Variants in ANKRD30B observed in about 807,000 individuals in gnomAD.
ANKRD30B encodes ankyrin repeat domain 30B, also known as ankyrin repeat domain-containing protein 30B.
In ANKRD30B, 144 loss-of-function variants were observed where a neutral mutation model predicts 202.2. That is an observed-to-expected ratio of 0.71 (90% CI 0.62 to 0.82). ANKRD30B has a LOEUF of 0.82. Ranked by LOEUF, ANKRD30B falls within the 40% of genes least tolerant of loss-of-function variation. The pLI is 0.00. For synonymous variants in ANKRD30B, 508 were observed against 561.3 expected, an observed-to-expected ratio of 0.91 and a Z score of 1.34; for missense variants, 1,487 against 1,669.1, an observed-to-expected ratio of 0.89 and a Z score of 1.90.
At position 14,837,652 on chromosome 18, in the gene ANKRD30B, T is replaced by A; in HGVS notation, c.2964T>A (p.Asp988Glu). 1 of 1,541,482 alleles carries A rather than the reference T, an allele frequency of 6.5e-7. No individual in the cohort carries two copies. The highest frequency in any genetic ancestry group is 8.7e-7 in the Non-Finnish European group (1 of 1,144,694). The change falls in exon 36 of 44, where the codon GAT becomes GAA. Residue 988 changes from aspartate (D) to glutamate (E), a missense_variant. Around this residue, in one of 6 missense-constraint regions of ANKRD30B, gnomAD observed 218 missense variants for 320.1 expected, o/e 0.68. Transcript: ENST00000690538. ...CATCAGAATTAGGAAGAAAAGAAGA[T>A]ACAAAATCAACTTCAGATTCTGAGG... Reference protein sequence around the residue: ...MPTSELGRKEDTKSTSDSEII... With the variant: ...MPTSELGRKEETKSTSDSEII...
the ANKRD30B span, chr18:14,910,202 C>A: frequency 6.6e-6 from 1 of 151,990 alleles, no homozygotes; most frequent in Non-Finnish European, 1.5e-5. Context: ...TGAACTGTAA[C>A]CCAAAGGCTG....
At chr18:14,796,804 G>C (rs1968931567) in intron 18 of ANKRD30B, among the ~76,000 whole-genome samples, 1 of 141,576 alleles carries the variant, frequency 7.1e-6, no homozygotes, top group Non-Finnish European at 1.5e-5. Context: ...TTATTATTAA[G>C]TTTAGTGAGG....
chr18:14,898,513 G>T, the ANKRD30B span, among the ~76,000 whole-genome samples: 15 of 152,246 alleles, frequency 9.9e-5, no homozygotes, highest in Admixed American at 5.9e-4. Context: ...AACAGGCCAC[G>T]GACCAGTACC....
chr18:14,846,774 T>C (rs1162782406), intron 39 of ANKRD30B, among the ~76,000 whole-genome samples: 5 of 151,996 alleles, frequency 3.3e-5, no homozygotes, highest in Non-Finnish European at 7.4e-5. Context: ...GTTAGTGTGG[T>C]ATATCTTGTT....
chr18:14,869,533 A>T, the ANKRD30B span, among the ~76,000 whole-genome samples: 1 of 152,240 alleles, frequency 6.6e-6, no homozygotes, highest in Non-Finnish European at 1.5e-5. Context: ...ATTAGCATTT[A>T]GCAGATGACC....
At chr18:14,892,208 T>TA in the ANKRD30B span, among the ~76,000 whole-genome samples, 1 of 152,232 alleles carries the variant, frequency 6.6e-6, no homozygotes, top group African/African-American at 2.4e-5. Flanking sequence ...TGCACAAGCT[T>TA]AGAGTGTCTT....
intron 30 of ANKRD30B, among the ~76,000 whole-genome samples, chr18:14,820,933 G>T (rs1970382413): frequency 6.6e-6 from 1 of 152,156 alleles, no homozygotes; most frequent in African/African-American, 2.4e-5. Context: ...GTTTCAGAAG[G>T]AATGGTACCA....
chr18:14,852,494 T>C (rs1971934682), intron 42 of ANKRD30B, 74 bp downstream of exon 42: 2 of 1,457,190 alleles, frequency 1.4e-6, no homozygotes, highest in African/African-American at 1.4e-5. Context: ...CTGAATCTAG[T>C]TGAATATATA....
rs1388268497 is a variant in ANKRD30B, at chr18:14,818,512, TC to T, written c.2641+3807del. 1.3e-3 allele frequency among the ~76,000 whole-genome samples: 76 copies of T among 58,160 alleles called. 1 individual carries two copies. Among genetic ancestry groups the T allele is most frequent in the African/African-American group, 3.6e-3 (59 of 16,538 alleles). 38.2% of individuals were successfully genotyped at this position (58,160 alleles called of 152,430 possible). A position where few individuals can be genotyped will look rare whatever the true frequency, so the allele number is the denominator to read the frequency against. On this transcript the variant is annotated intron_variant, in intron 30 of 43. Coordinates refer to ENST00000690538, the MANE Select transcript of ANKRD30B (RefSeq NM_001367607.2). ...ATCTCCTAATGCTATCCCTCCCCCC[TC>T]CCCCCACCCTACAACAGTCCCCAGA... is the stretch of plus-strand genomic sequence containing the variant.
At chr18:14,846,117 T>C (rs983335206) in intron 39 of ANKRD30B, among the ~76,000 whole-genome samples, 1 of 152,082 alleles carries the variant, frequency 6.6e-6, no homozygotes, top group African/African-American at 2.4e-5. Flanking sequence ...GTTATTTACT[T>C]GAGAGTCTTC....
At chr18:14,796,155 T>C in intron 16 of ANKRD30B, 66 bp from the exon 17 acceptor site, 2 of 1,438,266 alleles carry the variant, frequency 1.4e-6, no homozygotes, top group Non-Finnish European at 2.0e-6. Context: ...ATTCACATTG[T>C]ACGAATGCTT....
rs1264916893 is a variant in ANKRD30B, at chr18:14,822,512, G to C, written c.2670+1G>C. On this transcript the variant is annotated splice_donor_variant, in intron 31 of 43. Transcript: ENST00000690538. LOFTEE classifies it high-confidence loss of function. ...TCCTGATAAAGATGGTCTTCTGAAGGTAATAACTTTTATATTTTTATCTTG... is the reference window on the plus strand; with the variant it reads ...TCCTGATAAAGATGGTCTTCTGAAGCTAATAACTTTTATATTTTTATCTTG... 1 of 1,355,136 alleles carries C rather than the reference G, an allele frequency of 7.4e-7. No individual in the cohort carries two copies. The highest frequency in any genetic ancestry group is 1.0e-6 in the Non-Finnish European group (1 of 961,700). 83.9% of individuals were successfully genotyped at this position (1,355,136 alleles called of 1,614,324 possible).
chr18:14,821,750 AC>A (rs1970434407), intron 30 of ANKRD30B, among the ~76,000 whole-genome samples: 1 of 152,216 alleles, frequency 6.6e-6, no homozygotes, highest in Non-Finnish European at 1.5e-5. Context: ...GAGCCATGGC[AC>A]CTGGACTGTA....
intron 11 of ANKRD30B, among the ~76,000 whole-genome samples, chr18:14,781,800 A>C (rs1967770200): frequency 6.6e-6 from 1 of 152,198 alleles, no homozygotes; most frequent in Admixed American, 6.5e-5. Context: ...GGCCCTGATC[A>C]GCTAGTCAGA....
At chr18:14,884,357 A>C in the ANKRD30B span, among the ~76,000 whole-genome samples, 994 of 152,214 alleles carry the variant, frequency 6.5e-3, 21 homozygotes, top group African/African-American at 0.023. Context: ...CTACACCTTG[A>C]TTGCACCTCA....
chr18:14,934,735 G>T, the ANKRD30B span, among the ~76,000 whole-genome samples: 87,832 of 151,820 alleles, frequency 0.58, 26,205 homozygotes, highest in African/African-American at 0.72. Flanking sequence ...AGCAAGAAGG[G>T]ATCCGGAGCC....
the ANKRD30B span, among the ~76,000 whole-genome samples, chr18:14,931,731 C>T: frequency 4.6e-5 from 7 of 152,102 alleles, no homozygotes; most frequent in Admixed American, 4.6e-4. Context: ...CGAAGTACAG[C>T]CCCTTTTGAT....
At chr18:14,786,979 T>C in intron 14 of ANKRD30B, 60 bp from the exon 15 acceptor site, 1 of 1,520,750 alleles carries the variant, frequency 6.6e-7, no homozygotes, top group Non-Finnish European at 9.0e-7. Context: ...TTGTGTATGT[T>C]TTTAAAATTT....
intron 18 of ANKRD30B, 89 bp downstream of exon 18, chr18:14,796,504 C>G (rs1968906786): frequency 1.2e-5 from 17 of 1,417,802 alleles, no homozygotes; most frequent in Non-Finnish European, 1.4e-5. Flanking sequence ...ATGTTGTTTT[C>G]TTTTGAAAAT....
Sources: gnomAD v4.1 joint callset for allele counts (sites outside exome capture counted in the v4.1 genomes callset) on GRCh38, gnomAD v4.1.1 for gene constraint, gnomAD v4.1.1 regional missense constraint, MANE v1.5 for transcripts, NCBI Gene and HGNC (gene_info 2026-07-23, HGNC 2026-07-21) for gene names.